EXOC6B: variants seen among roughly 807,000 people sequenced by gnomAD.
EXOC6B encodes the protein SEC15 homolog B.
EXOC6B carries 54 observed loss-of-function variants against 113.5 expected under a neutral mutation model. That is an observed-to-expected ratio of 0.48 (90% CI 0.38 to 0.60). The LOEUF (loss-of-function observed/expected upper bound fraction) is 0.60. EXOC6B is among the 20% of genes least tolerant of loss of function. The pLI, the probability that EXOC6B is intolerant of heterozygous loss-of-function variation, is 0.00. For synonymous variants in EXOC6B, 357 were observed against 339.0 expected, an observed-to-expected ratio of 1.05 and a Z score of -0.58; for missense variants, 797 against 977.5, an observed-to-expected ratio of 0.82 and a Z score of 2.46.
At chr2:72,485,901 C>T (rs1041920522) in intron 16 of EXOC6B, among the ~76,000 whole-genome samples, 2 of 152,126 alleles carry the variant, frequency 1.3e-5, no homozygotes, top group Non-Finnish European at 2.9e-5. Flanking sequence ...AATACAAATA[C>T]CCAATATGGT....
At chr2:72,427,914 T>C (rs1035885347) in intron 18 of EXOC6B, among the ~76,000 whole-genome samples, 3 of 152,100 alleles carry the variant, frequency 2.0e-5, no homozygotes, top group Non-Finnish European at 2.9e-5. Flanking sequence ...AGCTCAGCCA[T>C]AGCTGGACAG....
intron 18 of EXOC6B, among the ~76,000 whole-genome samples, chr2:72,429,193 C>A (rs1695379690): frequency 6.6e-6 from 1 of 152,314 alleles, no homozygotes; most frequent in Middle Eastern, 3.4e-3. Flanking sequence ...CTAAAAATAT[C>A]CTGGACACTT....
intron 8 of EXOC6B, among the ~76,000 whole-genome samples, chr2:72,528,823 T>C (rs1178234395): frequency 1.3e-5 from 2 of 152,114 alleles, no homozygotes; most frequent in Non-Finnish European, 2.9e-5. Flanking sequence ...TAAATTTTGG[T>C]ATCTACATAT....
chr2:72,242,816 T>C (rs1218979201), intron 20 of EXOC6B, among the ~76,000 whole-genome samples: 1 of 152,238 alleles, frequency 6.6e-6, no homozygotes, highest in African/African-American at 2.4e-5. Flanking sequence ...CACTGAAGCC[T>C]TGAACTCCTG....
chr2:72,326,927 A>G (rs1332401654), intron 20 of EXOC6B, among the ~76,000 whole-genome samples: 1 of 152,062 alleles, frequency 6.6e-6, no homozygotes, highest in African/African-American at 2.4e-5. Flanking sequence ...GGTTGAAAGC[A>G]ACAATGGAAA....
intron 13 of EXOC6B, 52 bp downstream of exon 13, chr2:72,498,402 G>A (rs1160333853): frequency 9.4e-6 from 12 of 1,281,030 alleles, no homozygotes; most frequent in Non-Finnish European, 1.3e-5. Context: ...ATACATGTGT[G>A]TACACTAATG....
chr2:72,196,812 T>C (rs1679201120), intron 20 of EXOC6B, among the ~76,000 whole-genome samples: 1 of 152,204 alleles, frequency 6.6e-6, no homozygotes, highest in South Asian at 2.1e-4. Context: ...TTAGTTTTTA[T>C]GTAAAAATTT....
At chr2:72,287,110 C>T (rs957365815) in intron 20 of EXOC6B, among the ~76,000 whole-genome samples, 1 of 151,644 alleles carries the variant, frequency 6.6e-6, no homozygotes, top group Non-Finnish European at 1.5e-5. Flanking sequence ...GCTGTTACTG[C>T]TAATAGAAAA....
chr2:72,629,707 A>G (rs1400641477), intron 6 of EXOC6B, among the ~76,000 whole-genome samples: 1 of 152,176 alleles, frequency 6.6e-6, no homozygotes, highest in East Asian at 1.9e-4. Context: ...TTCACCTTGT[A>G]TAAATACACT....
intron 6 of EXOC6B, among the ~76,000 whole-genome samples, chr2:72,622,226 A>G (rs1361988336): frequency 1.3e-5 from 2 of 150,846 alleles, no homozygotes; most frequent in Non-Finnish European, 3.0e-5. Context: ...AAAACTGATG[A>G]AGTACAAAAA....
At chr2:72,727,015 C>T (rs1404305944) in intron 5 of EXOC6B, among the ~76,000 whole-genome samples, 2 of 152,046 alleles carry the variant, frequency 1.3e-5, no homozygotes, top group African/African-American at 4.8e-5. Flanking sequence ...ACGCAAATAC[C>T]ATGCCATTTT....
chr2:72,228,350 T>C (rs529007750), intron 20 of EXOC6B, among the ~76,000 whole-genome samples: 1 of 152,162 alleles, frequency 6.6e-6, no homozygotes, highest in South Asian at 2.1e-4. Context: ...ATGTGCCATG[T>C]TGGTGTGCTG....
chr2:72,405,556 T>C (rs968005433), intron 18 of EXOC6B, among the ~76,000 whole-genome samples: 8 of 152,150 alleles, frequency 5.3e-5, no homozygotes, highest in Non-Finnish European at 1.0e-4. Flanking sequence ...TTCAACATTC[T>C]TACAGAAAAG....
intron 20 of EXOC6B, among the ~76,000 whole-genome samples, chr2:72,234,973 T>C (rs1479668281): frequency 3.3e-5 from 5 of 152,192 alleles, no homozygotes; most frequent in Non-Finnish European, 1.5e-5. Flanking sequence ...GTTCAGCCAT[T>C]GTGGAAAGCA....
chr2:72,348,974 T>C (rs759798280), intron 19 of EXOC6B, among the ~76,000 whole-genome samples: 1 of 152,136 alleles, frequency 6.6e-6, no homozygotes, highest in Non-Finnish European at 1.5e-5. Context: ...ATATTTCATA[T>C]ATGGTCTTAC....
intron 6 of EXOC6B, among the ~76,000 whole-genome samples, chr2:72,603,312 G>A (rs1269661202): frequency 1.3e-5 from 2 of 152,042 alleles, no homozygotes; most frequent in Non-Finnish European, 2.9e-5. Flanking sequence ...TGGAAGTACC[G>A]TAAACACTGA....
chr2:72,326,753 A>G (rs1688150245), intron 20 of EXOC6B, among the ~76,000 whole-genome samples: 1 of 151,832 alleles, frequency 6.6e-6, no homozygotes. Flanking sequence ...GGATGGTGCA[A>G]AAGTAATTGT....
intron 6 of EXOC6B, among the ~76,000 whole-genome samples, chr2:72,675,673 C>A (rs1312453559): frequency 2.0e-5 from 3 of 152,048 alleles, no homozygotes; most frequent in Non-Finnish European, 4.4e-5. Context: ...TGTGCCTGTG[C>A]TCTCAACTAC....
chr2:72,785,971 C>G (rs767117791), intron 1 of EXOC6B, among the ~76,000 whole-genome samples: 15 of 152,148 alleles, frequency 9.9e-5, no homozygotes, highest in Non-Finnish European at 1.9e-4. Flanking sequence ...CACCTGTAAT[C>G]CCAGCTCTTT....
Sources: allele counts gnomAD v4.1 joint callset (sites outside exome capture counted in the v4.1 genomes callset), GRCh38; gene constraint gnomAD v4.1.1; transcripts MANE v1.5; gene names NCBI Gene and HGNC (gene_info 2026-07-23, HGNC 2026-07-21).